CACNA1A: variants seen among roughly 807,000 people sequenced by gnomAD.
The protein encoded by CACNA1A is calcium voltage-gated channel subunit alpha1 A, also known as voltage-dependent P/Q-type calcium channel subunit alpha-1A.
In CACNA1A, 57 loss-of-function variants were observed where a neutral mutation model predicts 262.4. That is an observed-to-expected ratio of 0.22 (90% CI 0.18 to 0.27). The LOEUF is 0.27. Ranked by LOEUF, CACNA1A falls within the 10% of genes least tolerant of loss-of-function variation. The probability of loss-of-function intolerance (pLI) is 1.00; values close to 1 mark genes in which losing one functional copy is unlikely to be tolerated. For missense variants in CACNA1A, 2,526 were observed against 3,562.8 expected (o/e 0.71, Z 7.41); for synonymous variants, 1,431 against 1,419.3 (o/e 1.01, Z -0.18).
At chr19:13,464,095 A>C (rs1051651536) in intron 1 of CACNA1A, among the ~76,000 whole-genome samples, 11 of 152,200 alleles carry the variant, frequency 7.2e-5, no homozygotes, top group Admixed American at 2.0e-4. Flanking sequence ...GATGACTAGA[A>C]AATTTAATGT....
In CACNA1A at chr19:13,334,561, T is replaced by TTGTGTGTG. The variant is rs1196739807; in HGVS notation, c.1083-76_1083-69dup. 1,974 of 312,270 alleles carry TTGTGTGTG rather than the reference T, an allele frequency of 6.3e-3. 24 individuals are homozygous for TTGTGTGTG. Among genetic ancestry groups the TTGTGTGTG allele is most frequent in the African/African-American group, 0.053 (1,636 of 31,140 alleles). 19.3% of individuals were successfully genotyped at this position (312,270 alleles called of 1,614,324 possible). On this transcript the variant is annotated intron_variant, in intron 7 of 46. Coordinates refer to ENST00000360228, the MANE Select transcript of CACNA1A (RefSeq NM_001127222.2). ...TGTTAGGAAACGTTTGTGTGTGTGT[T>TTGTGTGTG]TGTGTGTGTGTGTGTGTGTGTGTGT...
chr19:13,253,830 C>G (rs560220716), intron 29 of CACNA1A, among the ~76,000 whole-genome samples: 14 of 152,204 alleles, frequency 9.2e-5, no homozygotes, highest in Non-Finnish European at 1.6e-4. Flanking sequence ...ACTTCCGCCC[C>G]CTGGGTTCAA....
chr19:13,232,143 GT>G (rs1274710986), intron 34 of CACNA1A, among the ~76,000 whole-genome samples: 3 of 151,726 alleles, frequency 2.0e-5, no homozygotes, highest in Non-Finnish European at 4.4e-5. Flanking sequence ...ACACTGATAT[GT>G]TTTTTTCTTT....
At chr19:13,224,836 G>A (rs563572883) in intron 37 of CACNA1A, 64 bp from the exon 38 acceptor site, 102 of 1,205,178 alleles carry the variant, frequency 8.5e-5, no homozygotes, top group African/African-American at 3.9e-4. Flanking sequence ...CCCGTGAGCC[G>A]CGCCCGCCCC....
intron 3 of CACNA1A, among the ~76,000 whole-genome samples, chr19:13,395,060 G>A (rs1262555029): frequency 6.6e-6 from 1 of 151,924 alleles, no homozygotes; most frequent in Non-Finnish European, 1.5e-5. Context: ...GATCACTTGA[G>A]GTCAGGAGTT....
intron 30 of CACNA1A, among the ~76,000 whole-genome samples, chr19:13,250,219 C>T (rs1300688439): frequency 1.3e-5 from 2 of 151,536 alleles, no homozygotes; most frequent in African/African-American, 2.4e-5. Context: ...GCCACCATGC[C>T]TGGCTAATTT....
chr19:13,291,880 C>T (rs1434851397), intron 19 of CACNA1A, among the ~76,000 whole-genome samples: 1 of 152,080 alleles, frequency 6.6e-6, no homozygotes, highest in African/African-American at 2.4e-5. Flanking sequence ...CACTCCCTAC[C>T]CCCATGCAGG....
At chr19:13,412,885 G>A (rs1172002484) in intron 3 of CACNA1A, among the ~76,000 whole-genome samples, 2 of 152,200 alleles carry the variant, frequency 1.3e-5, no homozygotes, top group Non-Finnish European at 2.9e-5. Context: ...TACTTTGGTA[G>A]GCATTTCTGA....
intron 38 of CACNA1A, among the ~76,000 whole-genome samples, chr19:13,223,350 G>C (rs1038766205): frequency 6.6e-5 from 10 of 151,958 alleles, no homozygotes; most frequent in African/African-American, 2.4e-4. Context: ...CCACCACCAC[G>C]TCTGGCTAAA....
chr19:13,320,893 T>G (rs1186148735), intron 10 of CACNA1A, among the ~76,000 whole-genome samples: 1 of 152,144 alleles, frequency 6.6e-6, no homozygotes, highest in Non-Finnish European at 1.5e-5. Context: ...CAAAAGATAT[T>G]TTATACTCTT....
intron 14 of CACNA1A, 115 bp from the exon 15 acceptor site, chr19:13,307,969 A>G: frequency 7.3e-7 from 1 of 1,372,960 alleles, no homozygotes; most frequent in Non-Finnish European, 1.0e-6. Flanking sequence ...TCCCCAGGAA[A>G]CCCTGAGTGG....
intron 19 of CACNA1A, among the ~76,000 whole-genome samples, chr19:13,291,183 C>T (rs1308075149): frequency 2.0e-5 from 3 of 152,148 alleles, no homozygotes; most frequent in Admixed American, 6.6e-5. Flanking sequence ...CTGTGCGTGG[C>T]GTTCTTGTGC....
intron 3 of CACNA1A, 28 bp from the exon 4 acceptor site, chr19:13,371,807 C>T (rs1396430061): frequency 5.9e-6 from 9 of 1,521,578 alleles, no homozygotes; most frequent in Non-Finnish European, 8.0e-6. Flanking sequence ...GAATGGAGAA[C>T]AGAGGGTGGG....
chr19:13,435,163 G>T (rs1437786168), intron 3 of CACNA1A, among the ~76,000 whole-genome samples: 2 of 151,678 alleles, frequency 1.3e-5, no homozygotes, highest in African/African-American at 4.8e-5. Context: ...TCCCAGGCTG[G>T]AGTGCAGTGG....
intron 30 of CACNA1A, among the ~76,000 whole-genome samples, chr19:13,247,389 C>G (rs780927717): frequency 3.3e-5 from 5 of 152,184 alleles, no homozygotes; most frequent in Admixed American, 1.3e-4. Flanking sequence ...TGTTTCACAA[C>G]TGCCTAAAAA....
At position 13,241,545 on chromosome 19, in the gene CACNA1A, G is replaced by A; in HGVS notation, c.4950+3637C>T. ...CCGGATTCTAGATGCAGATGTTGAA[G>A]ATGAGGGGGAGCGGGCGGGCGGGGG... is the stretch of plus-strand genomic sequence containing the variant. On this transcript the variant is annotated intron_variant, in intron 31 of 46. Coordinates refer to ENST00000360228, the MANE Select transcript of CACNA1A (RefSeq NM_001127222.2). The surrounding 1 kb of genome is among the most constrained non-coding windows in gnomAD (Gnocchi z 4.0). The A allele has an allele frequency of 6.2e-6, 4 of 646,256 alleles. No individual in the cohort carries two copies. The highest frequency in any genetic ancestry group is 1.0e-5 in the Non-Finnish European group (4 of 392,710). 40.0% of individuals were successfully genotyped at this position (646,256 alleles called of 1,614,324 possible).
chr19:13,334,363 A>G lies in CACNA1A; in HGVS notation c.1198+15T>C, dbSNP rs751321881. 1 of 1,334,006 alleles carries G rather than the reference A, an allele frequency of 7.5e-7. No homozygotes were observed. Among genetic ancestry groups the G allele is most frequent in the Middle Eastern group, 1.8e-4 (1 of 5,480 alleles). The allele number at this position is 1,334,006 out of a possible 1,614,324, so 82.6% of individuals were successfully genotyped here. On this transcript the variant is annotated intron_variant, in intron 8 of 46. Coordinates refer to ENST00000360228, the MANE Select transcript of CACNA1A (RefSeq NM_001127222.2). ...GGGATCTCCATCCCTGGGCCCCAGG[A>G]TGAAAGGGCCTCACCTGCTTTTGAG...
intron 1 of CACNA1A, among the ~76,000 whole-genome samples, 173 bp from the exon 2 acceptor site, chr19:13,455,385 C>T (rs753853132): frequency 6.6e-6 from 1 of 152,260 alleles, no homozygotes; most frequent in African/African-American, 2.4e-5. Context: ...AGATCTCAAA[C>T]CCAGATCAGG....
rs747802304 is a variant in CACNA1A, at chr19:13,286,928, T to A, written c.3128A>T (p.Asn1043Ile). The change falls in exon 20 of 47, where the codon AAC (asparagine) becomes ATC (isoleucine). Residue 1043 changes from asparagine to isoleucine, a missense_variant. Coordinates refer to ENST00000360228, the MANE Select transcript of CACNA1A (RefSeq NM_001127222.2). ...CTGGATTGGCCGGGTGGTTGACAGG[T>A]TGGGGCCCGACACAGGGACCCCGGA... is the stretch of plus-strand genomic sequence containing the variant. ...QGSGVPVSGP[N>I]LSTTRPIQQD... is the part of the protein sequence containing the mutation. The A allele has an allele frequency of 6.2e-7, 1 of 1,610,714 alleles. No individual in the cohort carries two copies. The highest frequency in any genetic ancestry group is 8.5e-7 in the Non-Finnish European group (1 of 1,178,054).
Sources: allele counts gnomAD v4.1 joint callset (sites outside exome capture counted in the v4.1 genomes callset), GRCh38; gene constraint gnomAD v4.1.1; non-coding constraint Gnocchi (gnomAD v3.1); transcripts MANE v1.5; gene names NCBI Gene and HGNC (gene_info 2026-07-23, HGNC 2026-07-21).